COL18A1: variants seen among roughly 807,000 people sequenced by gnomAD.
The protein encoded by COL18A1 is collagen type XVIII alpha 1 chain.
Under a neutral mutation model 168.0 loss-of-function variants are expected in COL18A1, and 133 were observed. The ratio of observed to expected loss-of-function variants is 0.79; its 90% CI spans 0.69 to 0.91. The LOEUF is 0.91. Ranked by LOEUF, COL18A1 falls within the 40% of genes least tolerant of loss-of-function variation. The pLI is 0.00. For missense variants in COL18A1, 2,126 were observed against 1,925.4 expected (o/e 1.10, Z -1.95); for synonymous variants, 949 against 809.0 (o/e 1.17, Z -2.94).
Position 45,498,290 on chromosome 21 carries a change from A to ACCAGGGTCCCCTCTCGCCG in COL18A1, c.2683+633_2683+651dup. 1.4e-6 allele frequency: 1 copy of ACCAGGGTCCCCTCTCGCCG among 706,772 alleles called. No homozygotes were observed. Among genetic ancestry groups the ACCAGGGTCCCCTCTCGCCG allele is most frequent in the East Asian group, 2.7e-5 (1 of 37,158 alleles). 43.8% of individuals were successfully genotyped at this position (706,772 alleles called of 1,614,324 possible). A position where few individuals can be genotyped will look rare whatever the true frequency, so the allele number is the denominator to read the frequency against. ...AGGCTAGCCTCGGGCGCCTTTCACC[A>ACCAGGGTCCCCTCTCGCCG]CCAGGGTCCCCTCTCGCCGCCACGG... is the stretch of plus-strand genomic sequence containing the variant. On this transcript the variant is annotated intron_variant, in intron 32 of 41. Coordinates refer to ENST00000651438, the MANE Select transcript of COL18A1 (RefSeq NM_001379500.1). This position sits in a 1 kb window ranked among gnomAD's most constrained non-coding sequence, Gnocchi z 4.5.
chr21:45,509,883 C>CT (rs1275745668), intron 39 of COL18A1, among the ~76,000 whole-genome samples, 181 bp from the exon 40 acceptor site: 1 of 152,204 alleles, frequency 6.6e-6, no homozygotes, highest in Non-Finnish European at 1.5e-5. Flanking sequence ...CGGGGCTGCT[C>CT]TGACCTGGCA....
At chr21:45,486,159 G>C (rs1356173089) in intron 15 of COL18A1, among the ~76,000 whole-genome samples, 1 of 152,202 alleles carries the variant, frequency 6.6e-6, no homozygotes, top group Non-Finnish European at 1.5e-5. Context: ...GCTTCTCACG[G>C]CTTTCGGACT....
chr21:45,432,783 C>T (rs562594826), intron 2 of COL18A1, among the ~76,000 whole-genome samples: 27 of 152,304 alleles, frequency 1.8e-4, no homozygotes, highest in Non-Finnish European at 3.2e-4. Context: ...GACATGGCCC[C>T]GTAGCAGGCT....
At chr21:45,405,653 C>T (rs1349270232) in intron 2 of COL18A1, among the ~76,000 whole-genome samples, 180 bp downstream of exon 2, 1 of 150,982 alleles carries the variant, frequency 6.6e-6, no homozygotes, top group Non-Finnish European at 1.5e-5. Context: ...GCCGGAGTCC[C>T]GCCCATTCAT....
intron 2 of COL18A1, among the ~76,000 whole-genome samples, chr21:45,418,300 C>T: frequency 6.6e-6 from 1 of 152,214 alleles, no homozygotes; most frequent in Non-Finnish European, 1.5e-5. Context: ...TGGGCGTGCC[C>T]TTCCCACGCC....
chr21:45,509,044 G>A (rs935424851), intron 38 of COL18A1, among the ~76,000 whole-genome samples: 1 of 152,134 alleles, frequency 6.6e-6, no homozygotes, highest in Non-Finnish European at 1.5e-5. Flanking sequence ...TGAGGTCAGG[G>A]GCCCTGAATT....
rs201007384 is a variant in COL18A1, at chr21:45,466,686, G to C, written c.107-1556G>C. Among the ~76,000 whole-genome samples, 62 of 152,314 alleles carry C rather than the reference G, an allele frequency of 4.1e-4. No homozygotes were observed. In the East Asian group the frequency reaches 0.011, roughly 28 times the overall value. On this transcript the variant is annotated intron_variant, in intron 2 of 41. Transcript: ENST00000651438. ...AGCTTCGTGGAGAGGAGACGGGACAGCTTTGGAAAGGGCGTTGCTGTCACT... is the reference window on the plus strand; with the variant it reads ...AGCTTCGTGGAGAGGAGACGGGACACCTTTGGAAAGGGCGTTGCTGTCACT...
At position 45,444,802 on chromosome 21, in the gene COL18A1, T is replaced by C. The variant is rs144963709; in HGVS notation, c.107-23440T>C. Reference sequence around the variant, plus strand: ...ATACCCTAGTTTTTAAAAGTTGATATAGCCCCTCTAAAAATGAGTTTGAAA... The same window carrying C: ...ATACCCTAGTTTTTAAAAGTTGATACAGCCCCTCTAAAAATGAGTTTGAAA... On this transcript the variant is annotated intron_variant, in intron 2 of 41. Transcript: ENST00000651438. Among the ~76,000 whole-genome samples the C allele has an allele frequency of 9.9e-5, 15 of 152,244 alleles. No homozygotes were observed. In the East Asian group the frequency reaches 2.9e-3, roughly 29 times the overall value.
rs537107965 is a variant in COL18A1 at position 45,468,388 on chromosome 21, C to T, written c.253C>T (p.Pro85Ser). 6 of 1,613,992 alleles carry T rather than the reference C, an allele frequency of 3.7e-6. No individual in the cohort carries two copies. The South Asian group carries it at 4.4e-5, about 12-fold the overall frequency. ...NSGQVARYHF[P>S]SLFFRDFSLL... ...TGGCCAAGTGGCCCGGTACCACTTC[C>T]CCAGCCTCTTCTTCCGTGACTTCTC... Residue 85 changes from proline to serine, a missense_variant, in exon 3 of 42, where the codon CCC becomes TCC. Transcript: ENST00000651438.
At chr21:45,495,569 T>C in intron 29 of COL18A1, 137 bp downstream of exon 29, 1 of 732,950 alleles carries the variant, frequency 1.4e-6, no homozygotes, top group Non-Finnish European at 2.4e-6. Flanking sequence ...ACAGCACTGG[T>C]CATGCCATAC....
At chr21:45,492,642 G>C (rs114815182) in intron 23 of COL18A1, 45 bp from the exon 24 acceptor site, 1 of 1,610,768 alleles carries the variant, frequency 6.2e-7, no homozygotes. Context: ...GGGCAGGCGC[G>C]AGGGTGCGTG....
intron 2 of COL18A1, among the ~76,000 whole-genome samples, chr21:45,410,451 A>G (rs2033256559): frequency 6.6e-6 from 1 of 152,114 alleles, no homozygotes; most frequent in South Asian, 2.1e-4. Context: ...GGACCCCTGC[A>G]GACAGACACT....
At chr21:45,506,764 TCTGGAACCCTCCCACCTTCCC>T (rs879702605) in intron 37 of COL18A1, 460 of 30,086 alleles carry the variant, frequency 0.015, 4 homozygotes, top group Middle Eastern at 0.13. Context: ...CCACCTTCCC[TCTGGAACCCTCCCACCTTCCC>T]TCTGGAGCCC....
chr21:45,511,227 G>A lies in COL18A1; in HGVS notation c.3809+1G>A. The A allele has an allele frequency of 1.9e-6, 3 of 1,547,316 alleles. No individual in the cohort carries two copies. The highest frequency in any genetic ancestry group is 2.3e-5 in the South Asian group (2 of 85,808). ...AGGACGTCCTGAGGCACCCCACCTGGTAGGTTCCCAGTGCCGTGTGAGCAG... is the reference window on the plus strand; with the variant it reads ...AGGACGTCCTGAGGCACCCCACCTGATAGGTTCCCAGTGCCGTGTGAGCAG... On this transcript the variant is annotated splice_donor_variant, in intron 41 of 41. Transcript: ENST00000651438. LOFTEE classifies it high-confidence loss of function.
chr21:45,510,951 AACACCCCACATACACCCCCAAACACCCCC>A (rs2037547334), intron 40 of COL18A1, among the ~76,000 whole-genome samples, 131 bp from the exon 41 acceptor site: 1 of 98,864 alleles, frequency 1.0e-5, no homozygotes, highest in African/African-American at 4.2e-5. Flanking sequence ...ACACACCCAC[AACACCCCACATACACCCCCAAACACCCCC>A]CACACCCCAC....
At chr21:45,437,119 A>ACT (rs1555972233) in intron 2 of COL18A1, among the ~76,000 whole-genome samples, 12,485 of 112,826 alleles carry the variant, frequency 0.11, 1,450 homozygotes, top group African/African-American at 0.24. Flanking sequence ...ACACTCACAC[A>ACT]CAGACACACA....
intron 2 of COL18A1, among the ~76,000 whole-genome samples, chr21:45,438,221 CACACTCAG>C (rs1349590759): frequency 1.2e-4 from 14 of 113,692 alleles, no homozygotes; most frequent in South Asian, 5.8e-4. Context: ...CACACACTCA[CACACTCAG>C]ACACACAGGC....
chr21:45,445,014 C>T (rs1017070840), intron 2 of COL18A1, among the ~76,000 whole-genome samples: 1 of 152,114 alleles, frequency 6.6e-6, no homozygotes, highest in African/African-American at 2.4e-5. Context: ...GCAATTCACT[C>T]GAAGTGTACA....
intron 2 of COL18A1, among the ~76,000 whole-genome samples, chr21:45,419,161 G>A (rs1219174102): frequency 6.6e-6 from 1 of 152,036 alleles, no homozygotes; most frequent in Non-Finnish European, 1.5e-5. Context: ...GTAGTGACAT[G>A]CAATTCCATG....
Sources: gnomAD v4.1 joint callset for allele counts (sites outside exome capture counted in the v4.1 genomes callset) on GRCh38, gnomAD v4.1.1 for gene constraint, Gnocchi (gnomAD v3.1) non-coding constraint, MANE v1.5 for transcripts, NCBI Gene and HGNC (gene_info 2026-07-23, HGNC 2026-07-21) for gene names.